The following SBF2 variants were observed in gnomAD, a reference collection of about 807,000 sequenced individuals.
SBF2 encodes SET binding factor 2, also known as myotubularin-related protein 13.
Under a neutral mutation model 225.2 loss-of-function variants are expected in SBF2, and 112 were observed. The observed-to-expected ratio is 0.50, with a 90% confidence interval of 0.43 to 0.58. SBF2 has a LOEUF of 0.58. Among genes scored for constraint, SBF2 ranks in the 20% least tolerant of loss-of-function variants. SBF2 has a pLI of 0.00. For missense variants in SBF2, 1,996 were observed against 2,206.2 expected, an observed-to-expected ratio of 0.90 and a Z score of 1.91; for synonymous variants, 763 against 773.3, an observed-to-expected ratio of 0.99 and a Z score of 0.22.
At chr11:10,173,292 A>G (rs559664901) in intron 2 of SBF2, among the ~76,000 whole-genome samples, 3 of 152,310 alleles carry the variant, frequency 2.0e-5, no homozygotes, top group Non-Finnish European at 4.4e-5. Flanking sequence ...GGCACAGGTC[A>G]GTGGGTGCGT....
At chr11:10,128,871 T>C (rs1953888959) in intron 2 of SBF2, among the ~76,000 whole-genome samples, 1 of 152,222 alleles carries the variant, frequency 6.6e-6, no homozygotes, top group South Asian at 2.1e-4. Context: ...CATTTGCTAA[T>C]AAATACATGT....
intron 16 of SBF2, among the ~76,000 whole-genome samples, chr11:9,904,647 C>A (rs1861984024): frequency 6.6e-6 from 1 of 152,186 alleles, no homozygotes; most frequent in African/African-American, 2.4e-5. Context: ...AACTTGCTTG[C>A]TCTAATGGAC....
intron 2 of SBF2, among the ~76,000 whole-genome samples, chr11:10,175,507 T>G (rs1269470712): frequency 6.6e-6 from 1 of 151,542 alleles, no homozygotes; most frequent in Non-Finnish European, 1.5e-5. Flanking sequence ...CCCAGATTCA[T>G]AAAGCAAGTC....
At chr11:10,156,394 G>A (rs1265442869) in intron 2 of SBF2, among the ~76,000 whole-genome samples, 1 of 152,240 alleles carries the variant, frequency 6.6e-6, no homozygotes, top group Non-Finnish European at 1.5e-5. Flanking sequence ...GCATGTCGAT[G>A]GCAGTGGAAG....
At chr11:10,237,054 G>A (rs1959102308) in intron 1 of SBF2, among the ~76,000 whole-genome samples, 2 of 152,140 alleles carry the variant, frequency 1.3e-5, no homozygotes, top group Non-Finnish European at 2.9e-5. Context: ...AGATAAGCAG[G>A]GCTACTGACA....
intron 1 of SBF2, among the ~76,000 whole-genome samples, chr11:10,258,767 A>C (rs1961140374): frequency 6.6e-6 from 1 of 152,192 alleles, no homozygotes; most frequent in Non-Finnish European, 1.5e-5. Context: ...TTCACTACAT[A>C]GTCTGCCTCA....
intron 1 of SBF2, among the ~76,000 whole-genome samples, chr11:10,255,195 A>T (rs1239099619): frequency 1.3e-5 from 2 of 152,138 alleles, no homozygotes; most frequent in African/African-American, 4.8e-5. Flanking sequence ...GTTAAAAATA[A>T]TATACTGTAT....
At position 10,193,947 on chromosome 11, in the gene SBF2, T is replaced by C. The variant is rs1438456655; in HGVS notation, c.96A>G (p.Pro32=). 1.2e-6 allele frequency: 2 copies of C among 1,612,850 alleles called. No homozygotes were observed. The highest frequency in any genetic ancestry group is 1.7e-5 in the Admixed American group (1 of 60,002). The change falls in exon 2 of 40, where the codon CCA becomes CCG. Residue 32 remains proline, a synonymous_variant. Transcript: ENST00000256190. ...EGLGKIIQRF[P]QKDWDDTPFP... Reference sequence around the variant, plus strand: ...AAGGTGTATCATCCCAGTCCTTCTGTGGAAATCTCTGGATTATTTTCCCCA... The same window carrying C: ...AAGGTGTATCATCCCAGTCCTTCTGCGGAAATCTCTGGATTATTTTCCCCA...
intron 2 of SBF2, among the ~76,000 whole-genome samples, chr11:10,086,978 C>T (rs1208350536): frequency 1.3e-5 from 2 of 152,162 alleles, no homozygotes; most frequent in African/African-American, 4.8e-5. Flanking sequence ...AGTAACCCAT[C>T]TTTGATCTAA....
chr11:10,287,290 C>T (rs768072555), intron 1 of SBF2, among the ~76,000 whole-genome samples: 1 of 152,148 alleles, frequency 6.6e-6, no homozygotes, highest in Non-Finnish European at 1.5e-5. Context: ...TATCTATCTA[C>T]CTATTTTTAG....
chr11:10,244,298 G>A (rs1341959379), intron 1 of SBF2, among the ~76,000 whole-genome samples: 1 of 152,088 alleles, frequency 6.6e-6, no homozygotes, highest in Non-Finnish European at 1.5e-5. Flanking sequence ...TTTTGTTTAT[G>A]GTGTAAGGTA....
intron 3 of SBF2, among the ~76,000 whole-genome samples, chr11:10,039,465 C>T (rs192860574): frequency 6.6e-6 from 1 of 151,636 alleles, no homozygotes; most frequent in Non-Finnish European, 1.5e-5. Flanking sequence ...TACCTAAGTA[C>T]AATTATATAG....
chr11:10,150,968 G>A (rs1206401797), intron 2 of SBF2, among the ~76,000 whole-genome samples: 1 of 152,038 alleles, frequency 6.6e-6, no homozygotes, highest in Non-Finnish European at 1.5e-5. Context: ...AAACCTTCTG[G>A]AATTGGCATG....
At chr11:9,975,523 T>C (rs1005562388) in intron 13 of SBF2, among the ~76,000 whole-genome samples, 1 of 152,208 alleles carries the variant, frequency 6.6e-6, no homozygotes, top group Non-Finnish European at 1.5e-5. Flanking sequence ...GGGGGAGTGA[T>C]AGAAATACTC....
intron 6 of SBF2, among the ~76,000 whole-genome samples, chr11:10,004,489 C>T (rs1271987708): frequency 6.6e-6 from 1 of 150,446 alleles, no homozygotes; most frequent in Non-Finnish European, 1.5e-5. Flanking sequence ...ACCCCCAAAC[C>T]ACCAAGCCAA....
intron 6 of SBF2, among the ~76,000 whole-genome samples, chr11:10,015,786 CTG>C (rs1948625458): frequency 6.6e-6 from 1 of 151,980 alleles, no homozygotes; most frequent in East Asian, 1.9e-4. Flanking sequence ...AATGAAGACT[CTG>C]GGGAAAAACT....
chr11:10,057,860 C>T (rs949052999), intron 2 of SBF2, among the ~76,000 whole-genome samples: 7 of 152,164 alleles, frequency 4.6e-5, no homozygotes, highest in Non-Finnish European at 7.4e-5. Flanking sequence ...GCCTAAGTGT[C>T]ACCTGCTGGA....
At chr11:9,851,149 AC>A (rs373837588) in intron 21 of SBF2, among the ~76,000 whole-genome samples, 12,157 of 119,952 alleles carry the variant, frequency 0.1, 1,159 homozygotes, top group South Asian at 0.17. Flanking sequence ...AAAAAAAAAA[AC>A]AACAACAAAA....
intron 2 of SBF2, among the ~76,000 whole-genome samples, chr11:10,135,663 A>G (rs923812309): frequency 1.1e-4 from 17 of 152,298 alleles, no homozygotes; most frequent in African/African-American, 3.8e-4. Context: ...CTAAAACATA[A>G]TAAGAGTCAC....
Sources: gnomAD v4.1 joint callset for allele counts (sites outside exome capture counted in the v4.1 genomes callset) on GRCh38, gnomAD v4.1.1 for gene constraint, MANE v1.5 for transcripts, NCBI Gene and HGNC (gene_info 2026-07-23, HGNC 2026-07-21) for gene names.